The following USP43 variants were observed in gnomAD, a reference collection of about 807,000 sequenced individuals.
USP43 encodes ubiquitin specific peptidase 43.
In USP43, 33 loss-of-function variants were observed where a neutral mutation model predicts 90.7. That is an observed-to-expected ratio of 0.36 (90% CI 0.28 to 0.49). USP43 has a LOEUF of 0.49. USP43 is among the 20% of genes least tolerant of loss of function. The probability of loss-of-function intolerance (pLI) is 0.98; values close to 1 mark genes in which losing one functional copy is unlikely to be tolerated. For missense variants in USP43, 1,274 were observed against 1,476.4 expected, an observed-to-expected ratio of 0.86 and a Z score of 2.25; for synonymous variants, 598 against 615.8, an observed-to-expected ratio of 0.97 and a Z score of 0.43.
chr17:9,676,940 C>A, intron 5 of USP43, 59 bp downstream of exon 5: 1 of 1,572,590 alleles, frequency 6.4e-7, no homozygotes, highest in Non-Finnish European at 8.6e-7. Flanking sequence ...ACTGAGCCAG[C>A]TGTCTAGGCT....
Position 9,728,795 on chromosome 17 carries a change from C to G in USP43, c.3177C>G (p.Leu1059=), listed in dbSNP as rs756116704. 1.2e-6 allele frequency: 2 copies of G among 1,611,040 alleles called. No individual in the cohort carries two copies. The highest frequency in any genetic ancestry group is 1.1e-5 in the South Asian group (1 of 90,834). The part of the protein sequence containing the change: ...EGLARGLGSR[L]ERDVWSAPSS... ...TGGCCAGGGGCCTGGGCAGCCGGCTCGAGAGGGATGTCTGGTCAGCCCCCA... is the reference window on the plus strand; with the variant it reads ...TGGCCAGGGGCCTGGGCAGCCGGCTGGAGAGGGATGTCTGGTCAGCCCCCA... Residue 1059 remains leucine, a synonymous_variant, in exon 15 of 15, where the codon CTC becomes CTG. Coordinates refer to ENST00000285199, the MANE Select transcript of USP43 (RefSeq NM_153210.5). This position sits in a 1 kb window ranked among gnomAD's most constrained non-coding sequence, Gnocchi z 6.2.
chr17:9,694,290 A>G (rs1327870229), intron 9 of USP43, among the ~76,000 whole-genome samples: 1 of 152,092 alleles, frequency 6.6e-6, no homozygotes, highest in East Asian at 1.9e-4. Context: ...CCCCATCCAT[A>G]TCCTCCTTGG....
Position 9,686,228 on chromosome 17 carries a change from C to T in USP43, c.1242-570C>T, listed in dbSNP as rs562708523. Among the ~76,000 whole-genome samples, 3 of 152,248 alleles carry T rather than the reference C, an allele frequency of 2.0e-5. No individual in the cohort carries two copies. The highest frequency in any genetic ancestry group is 7.2e-5 in the African/African-American group (3 of 41,564). ...TTTTCCATTCATCCACCGATGTACA[C>T]TTAGGTTGATTTGGAATCTTGGCTA... On this transcript the variant is annotated intron_variant, in intron 7 of 14. Coordinates refer to ENST00000285199, the MANE Select transcript of USP43 (RefSeq NM_153210.5). The surrounding 1 kb of genome is among the most constrained non-coding windows in gnomAD (Gnocchi z 5.5).
chr17:9,646,512 G>T (rs1048708744), intron 1 of USP43, among the ~76,000 whole-genome samples: 8 of 152,150 alleles, frequency 5.3e-5, no homozygotes, highest in Non-Finnish European at 1.2e-4. Context: ...GAAGGCCAAG[G>T]CCTCAGAGGA....
chr17:9,647,061 C>CAAAAAAAAAAAAAAAAAAA (rs11305216), intron 1 of USP43: 39 of 79,738 alleles, frequency 4.9e-4, no homozygotes, highest in Middle Eastern at 6.4e-3. Context: ...TTGCTTCCTG[C>CAAAAAAAAAAAAAAAAAAA]AAAAAAAAAA....
At chr17:9,675,702 CA>C (rs1913725378) in intron 4 of USP43, among the ~76,000 whole-genome samples, 1 of 152,200 alleles carries the variant, frequency 6.6e-6, no homozygotes, top group Non-Finnish European at 1.5e-5. Flanking sequence ...ATAACATCTT[CA>C]GAGGGCCTTG....
At chr17:9,646,245 A>G (rs1366194477) in intron 1 of USP43, 109 bp downstream of exon 1, 1 of 1,324,880 alleles carries the variant, frequency 7.5e-7, no homozygotes, top group Admixed American at 4.0e-5. Context: ...AATGCCGTTG[A>G]CCAGTTCAGC....
In USP43 at chr17:9,682,764, C is replaced by T; in HGVS notation, c.1106-59C>T. 12 of 1,584,722 alleles carry T rather than the reference C, an allele frequency of 7.6e-6. No homozygotes were observed. The Admixed American group carries it at 1.0e-4, about 14-fold the overall frequency. The stretch of plus-strand genomic sequence containing the variant: ...AAGAGGGACTAGAGAAGCTAAGGCT[C>T]TGACCCAGGAAAGCAGCTCCTTTAG... On this transcript the variant is annotated intron_variant, in intron 6 of 14. Coordinates refer to ENST00000285199, the MANE Select transcript of USP43 (RefSeq NM_153210.5).
At chr17:9,698,384 G>C (rs911527468) in intron 9 of USP43, among the ~76,000 whole-genome samples, 1 of 152,198 alleles carries the variant, frequency 6.6e-6, no homozygotes, top group Non-Finnish European at 1.5e-5. Flanking sequence ...CGAGGTCTCA[G>C]TCATTCCTCT....
chr17:9,701,758 C>T lies in USP43; in HGVS notation c.2011+58C>T. On this transcript the variant is annotated intron_variant, in intron 12 of 14. Coordinates refer to ENST00000285199, the MANE Select transcript of USP43 (RefSeq NM_153210.5). The surrounding 1 kb of genome is among the most constrained non-coding windows in gnomAD (Gnocchi z 7.2). The stretch of plus-strand genomic sequence containing the variant: ...CTGTGGCCACAGCCTCGAGATGTCC[C>T]TGGAATGGGTGTTGCTCAGATGCTG... The T allele has an allele frequency of 1.4e-6, 2 of 1,418,534 alleles. No homozygotes were observed. The highest frequency in any genetic ancestry group is 4.8e-5 in the Admixed American group (2 of 41,896). The allele number at this position is 1,418,534 out of a possible 1,614,324, so 87.9% of individuals were successfully genotyped here. A position where few individuals can be genotyped will look rare whatever the true frequency, so the allele number is the denominator to read the frequency against.
chr17:9,659,234 G>A (rs545853863), intron 2 of USP43, among the ~76,000 whole-genome samples: 1 of 152,308 alleles, frequency 6.6e-6, no homozygotes, highest in East Asian at 1.9e-4. Flanking sequence ...TGTTTGTTAT[G>A]TGCCAGGGGT....
At position 9,726,908 on chromosome 17, in the gene USP43, T is replaced by C. The variant is rs1295287697; in HGVS notation, c.2336-1046T>C. 3.9e-5 allele frequency among the ~76,000 whole-genome samples: 6 copies of C among 152,338 alleles called. No individual in the cohort carries two copies. In the East Asian group the frequency reaches 1.2e-3, roughly 29 times the overall value. On this transcript the variant is annotated intron_variant, in intron 14 of 14. Transcript: ENST00000285199. ...TAGCTGAAGATTTCTTTCTCAATGA[T>C]TGCAGACATCATGTAAAACAAGGCA...
intron 1 of USP43, among the ~76,000 whole-genome samples, chr17:9,653,052 A>G (rs1911985573): frequency 6.6e-6 from 1 of 152,196 alleles, no homozygotes; most frequent in Non-Finnish European, 1.5e-5. Context: ...GATAACTTTG[A>G]TATATACAGA....
intron 6 of USP43, among the ~76,000 whole-genome samples, chr17:9,681,462 T>TATTATATATATA (rs1555550104): frequency 5.4e-5 from 1 of 18,578 alleles, no homozygotes; most frequent in Non-Finnish European, 8.6e-5. Context: ...ATAAAATATA[T>TATTATATATATA]TATATATATA....
In USP43 at chr17:9,686,097, G is replaced by C. The variant is rs1056798311; in HGVS notation, c.1242-701G>C. Among the ~76,000 whole-genome samples, 5 of 152,112 alleles carry C rather than the reference G, an allele frequency of 3.3e-5. No individual in the cohort carries two copies. Among genetic ancestry groups the C allele is most frequent in the African/African-American group, 1.2e-4 (5 of 41,398 alleles). ...CCTGACTTATTTCACTTAACATAAT[G>C]TCCTCCAGCCTCATCCATCTTGCCG... On this transcript the variant is annotated intron_variant, in intron 7 of 14. Coordinates refer to ENST00000285199, the MANE Select transcript of USP43 (RefSeq NM_153210.5). This position sits in a 1 kb window ranked among gnomAD's most constrained non-coding sequence, Gnocchi z 5.5.
chr17:9,657,958 A>G (rs956336152), intron 2 of USP43, among the ~76,000 whole-genome samples: 1 of 152,242 alleles, frequency 6.6e-6, no homozygotes, highest in Non-Finnish European at 1.5e-5. Flanking sequence ...TCAATGAGTG[A>G]GCAAAGTTAT....
At chr17:9,657,551 A>C (rs1912349762) in intron 2 of USP43, among the ~76,000 whole-genome samples, 1 of 152,156 alleles carries the variant, frequency 6.6e-6, no homozygotes, top group African/African-American at 2.4e-5. Context: ...TGGGTAATTT[A>C]TAAGGGAAAG....
chr17:9,679,604 C>T (rs553897309), intron 5 of USP43, among the ~76,000 whole-genome samples: 22 of 148,366 alleles, frequency 1.5e-4, no homozygotes, highest in African/African-American at 5.5e-4. Context: ...CGGCTCACTG[C>T]AAGCTCCGCC....
At chr17:9,726,744 T>C (rs1189238239) in intron 14 of USP43, among the ~76,000 whole-genome samples, 1 of 152,100 alleles carries the variant, frequency 6.6e-6, no homozygotes, top group Non-Finnish European at 1.5e-5. Context: ...TCAAACACTA[T>C]GATGAAGTGG....
Sources: gnomAD v4.1 joint callset for allele counts (sites outside exome capture counted in the v4.1 genomes callset) on GRCh38, gnomAD v4.1.1 for gene constraint, Gnocchi (gnomAD v3.1) non-coding constraint, MANE v1.5 for transcripts, NCBI Gene and HGNC (gene_info 2026-07-23, HGNC 2026-07-21) for gene names.